NPAS3: variants seen among roughly 807,000 people sequenced by gnomAD.
The protein encoded by NPAS3 is neuronal PAS domain-containing protein 3.
NPAS3 carries 14 observed loss-of-function variants against 73.1 expected under a neutral mutation model. The observed-to-expected ratio is 0.19, with a 90% CI of 0.13 to 0.30. The LOEUF is 0.30. Among genes scored for constraint, NPAS3 ranks in the 10% least tolerant of loss-of-function variants. The probability of loss-of-function intolerance (pLI) is 1.00; values close to 1 mark genes in which losing one functional copy is unlikely to be tolerated. For synonymous variants in NPAS3, 620 were observed against 541.5 expected, an observed-to-expected ratio of 1.14 and a Z score of -2.01; for missense variants, 1,096 against 1,250.0, an observed-to-expected ratio of 0.88 and a Z score of 1.86.
chr14:32,969,830 T>C (rs1365198228), intron 1 of NPAS3, among the ~76,000 whole-genome samples: 1 of 152,154 alleles, frequency 6.6e-6, no homozygotes, highest in East Asian at 1.9e-4. Flanking sequence ...TCAGAAACAC[T>C]TTTTTAAAAA....
chr14:33,362,376 A>C (rs1242253390), intron 3 of NPAS3, among the ~76,000 whole-genome samples: 1 of 152,174 alleles, frequency 6.6e-6, no homozygotes, highest in Non-Finnish European at 1.5e-5. Flanking sequence ...ACACTCATAC[A>C]TACCTCATGA....
chr14:32,988,958 G>T (rs1001105617), intron 1 of NPAS3, among the ~76,000 whole-genome samples: 2 of 152,182 alleles, frequency 1.3e-5, no homozygotes, highest in African/African-American at 4.8e-5. Flanking sequence ...TAAGCAGGGT[G>T]GTGGAGATCA....
intron 4 of NPAS3, among the ~76,000 whole-genome samples, chr14:33,495,175 GT>G (rs1444879760): frequency 6.6e-6 from 1 of 152,016 alleles, no homozygotes; most frequent in African/African-American, 2.4e-5. Flanking sequence ...GGTACATTGT[GT>G]CTTTGTTCTC....
chr14:33,604,236 A>C (rs912869186), intron 5 of NPAS3, among the ~76,000 whole-genome samples: 17 of 152,090 alleles, frequency 1.1e-4, no homozygotes, highest in Admixed American at 9.8e-4. Context: ...CAGATTATAT[A>C]AGCAAGCAAG....
At chr14:33,542,801 C>A (rs1180297745) in intron 4 of NPAS3, among the ~76,000 whole-genome samples, 2 of 152,176 alleles carry the variant, frequency 1.3e-5, no homozygotes, top group South Asian at 2.1e-4. Flanking sequence ...GAGGTGCTGG[C>A]CTTCTGCAGG....
intron 4 of NPAS3, among the ~76,000 whole-genome samples, chr14:33,522,090 TAA>T (rs1211353190): frequency 6.6e-6 from 1 of 152,196 alleles, no homozygotes; most frequent in South Asian, 2.1e-4. Flanking sequence ...TAGAAGCCTT[TAA>T]AAACACACAC....
intron 6 of NPAS3, among the ~76,000 whole-genome samples, chr14:33,731,120 C>A (rs936827187): frequency 6.6e-6 from 1 of 151,944 alleles, no homozygotes; most frequent in African/African-American, 2.4e-5. Flanking sequence ...GAAAACACTT[C>A]AAGTATACTG....
intron 5 of NPAS3, among the ~76,000 whole-genome samples, chr14:33,654,619 ATTG>A (rs2059091574): frequency 6.6e-6 from 1 of 152,180 alleles, no homozygotes; most frequent in South Asian, 2.1e-4. Flanking sequence ...CTTTGTCTTT[ATTG>A]TTAAGTTTAA....
At chr14:33,549,746 T>C (rs925189010) in intron 4 of NPAS3, among the ~76,000 whole-genome samples, 4 of 152,206 alleles carry the variant, frequency 2.6e-5, no homozygotes, top group Non-Finnish European at 5.9e-5. Context: ...TTAGACATTA[T>C]TTTCATATTT....
In NPAS3 at chr14:33,602,372, C is replaced by T. The variant is rs150497121; in HGVS notation, c.558+42162C>T. On this transcript the variant is annotated intron_variant, in intron 5 of 11. Transcript: ENST00000356141. Reference sequence around the variant, plus strand: ...GGTAGGGTATACAAAAGGGTCTTGTCGAGCAAGTGGCTTCTGTTGCCTGTT... The same window carrying T: ...GGTAGGGTATACAAAAGGGTCTTGTTGAGCAAGTGGCTTCTGTTGCCTGTT... Among the ~76,000 whole-genome samples, 16 of 152,322 alleles carry T rather than the reference C, an allele frequency of 1.1e-4. 1 individual carries two copies. Among genetic ancestry groups the T allele is most frequent in the Middle Eastern group, 6.8e-3 (2 of 294 alleles).
At chr14:33,417,362 A>G (rs114167784) in intron 4 of NPAS3, among the ~76,000 whole-genome samples, 509 of 152,096 alleles carry the variant, frequency 3.3e-3, no homozygotes, top group African/African-American at 0.012. Flanking sequence ...TATAACTGCA[A>G]TGTTATAACA....
Position 33,215,178 on chromosome 14 carries a change from T to A in NPAS3, c.141-4T>A, listed in dbSNP as rs1475599340. The A allele has an allele frequency of 6.2e-7, 1 of 1,613,488 alleles. No homozygotes were observed. The highest frequency in any genetic ancestry group is 8.5e-7 in the Non-Finnish European group (1 of 1,179,588). Reference sequence around the variant, plus strand: ...ACCACACATTCTCACTCCTTTGATTTCAGTTTACAAGCATTGAGAAAGGAG... The same window carrying A: ...ACCACACATTCTCACTCCTTTGATTACAGTTTACAAGCATTGAGAAAGGAG... On this transcript the variant is annotated splice_region_variant and splice_polypyrimidine_tract_variant and intron_variant, in intron 2 of 11. Transcript: ENST00000356141.
chr14:33,407,431 C>T (rs1185117075), intron 4 of NPAS3, among the ~76,000 whole-genome samples: 1 of 152,124 alleles, frequency 6.6e-6, no homozygotes, highest in African/African-American at 2.4e-5. Context: ...CCTGAATCTT[C>T]AGTTAGTCTC....
chr14:33,784,729 A>ATTTTTTTTTTTT, intron 9 of NPAS3, among the ~76,000 whole-genome samples: 1 of 90,188 alleles, frequency 1.1e-5, no homozygotes, highest in Non-Finnish European at 2.0e-5. Context: ...ATTTTTATTT[A>ATTTTTTTTTTTT]TTTATTTATT....
At chr14:33,705,432 G>T (rs1338543250) in intron 6 of NPAS3, among the ~76,000 whole-genome samples, 1 of 152,170 alleles carries the variant, frequency 6.6e-6, no homozygotes, top group Non-Finnish European at 1.5e-5. Flanking sequence ...GCCCATAAAT[G>T]ACAAAGGTTT....
intron 4 of NPAS3, among the ~76,000 whole-genome samples, chr14:33,431,163 T>A (rs2048768469): frequency 6.6e-6 from 1 of 152,222 alleles, no homozygotes; most frequent in African/African-American, 2.4e-5. Flanking sequence ...TACTTTTCCA[T>A]GTTTGAGATA....
At chr14:32,991,829 C>G (rs1402238216) in intron 1 of NPAS3, among the ~76,000 whole-genome samples, 1 of 152,186 alleles carries the variant, frequency 6.6e-6, no homozygotes, top group Non-Finnish European at 1.5e-5. Flanking sequence ...GGTGTAGGGT[C>G]TGTCACTCAG....
chr14:33,111,959 G>A (rs1241816709), intron 2 of NPAS3, among the ~76,000 whole-genome samples: 2 of 151,980 alleles, frequency 1.3e-5, no homozygotes, highest in South Asian at 4.2e-4. Context: ...TGAGAATGAT[G>A]GTTTCCAGCT....
intron 3 of NPAS3, among the ~76,000 whole-genome samples, chr14:33,364,997 T>C (rs1257815929): frequency 1.4e-5 from 2 of 146,998 alleles, no homozygotes; most frequent in Non-Finnish European, 3.0e-5. Context: ...TCCTTTTTTC[T>C]TTTTTTGGGG....
Sources: allele counts gnomAD v4.1 joint callset (sites outside exome capture counted in the v4.1 genomes callset), GRCh38; gene constraint gnomAD v4.1.1; transcripts MANE v1.5; gene names NCBI Gene and HGNC (gene_info 2026-07-23, HGNC 2026-07-21).